Variants in NFIB observed in about 807,000 individuals in gnomAD.
NFIB encodes the protein nuclear factor 1 B-type.
NFIB carries 11 observed loss-of-function variants against 61.5 expected under a neutral mutation model. That is an observed-to-expected ratio of 0.18 (90% CI 0.11 to 0.30). The LOEUF (loss-of-function observed/expected upper bound fraction) is 0.30. NFIB is among the 10% of genes least tolerant of loss of function. The pLI, the probability that NFIB is intolerant of heterozygous loss-of-function variation, is 1.00. For missense variants in NFIB, 471 were observed against 608.9 expected, an observed-to-expected ratio of 0.77 and a Z score of 2.38; for synonymous variants, 260 against 216.5, an observed-to-expected ratio of 1.20 and a Z score of -1.76.
Position 14,116,341 on chromosome 9 carries a change from G to T in NFIB, c.1251C>A (p.Asn417Lys). ...DPSSPQTSQP[N>K]GSGQVVGKVP... Reference sequence around the variant, plus strand: ...CTTTCCCTACTACTTGACCACTGCCGTTAGGCTACAAAACAAAAACAGAAT... The same window carrying T: ...CTTTCCCTACTACTTGACCACTGCCTTTAGGCTACAAAACAAAAACAGAAT... The change falls in exon 9 of 11, where the codon AAC becomes AAA. Residue 417 changes from asparagine (N) to lysine (K), a missense_variant. Around this residue, in one of 2 missense-constraint regions of NFIB, gnomAD observed 372 missense variants for 395.6 expected, o/e 0.94. Coordinates refer to ENST00000380953, the MANE Select transcript of NFIB (RefSeq NM_001190737.2). 4 of 1,504,308 alleles carry T rather than the reference G, an allele frequency of 2.7e-6. No individual in the cohort carries two copies. The highest frequency in any genetic ancestry group is 3.6e-6 in the Non-Finnish European group (4 of 1,125,220). 93.2% of individuals were successfully genotyped at this position (1,504,308 alleles called of 1,614,324 possible).
chr9:14,215,070 T>C (rs989069968), intron 2 of NFIB, among the ~76,000 whole-genome samples: 1 of 152,246 alleles, frequency 6.6e-6, no homozygotes, highest in Non-Finnish European at 1.5e-5. Flanking sequence ...TTTCTGTAAG[T>C]ATATTACTTA....
At chr9:14,440,274 C>G in the NFIB span, among the ~76,000 whole-genome samples, 1 of 152,142 alleles carries the variant, frequency 6.6e-6, no homozygotes, top group African/African-American at 2.4e-5. Flanking sequence ...ACAGAGCACA[C>G]GCTGACTAGA....
chr9:14,353,843 G>A (rs1325431710), intron 1 of NFIB, among the ~76,000 whole-genome samples: 1 of 149,266 alleles, frequency 6.7e-6, no homozygotes, highest in Non-Finnish European at 1.5e-5. Context: ...GAGAGCGAGA[G>A]GGGTTTTGTC....
chr9:14,156,934 T>G (rs1431610612), intron 3 of NFIB, among the ~76,000 whole-genome samples: 2 of 152,196 alleles, frequency 1.3e-5, no homozygotes, highest in African/African-American at 4.8e-5. Flanking sequence ...AGGAATTAGA[T>G]GCAGTTCAGA....
chr9:14,376,631 G>A (rs947265451), intron 1 of NFIB, among the ~76,000 whole-genome samples: 5 of 150,446 alleles, frequency 3.3e-5, no homozygotes, highest in South Asian at 2.1e-4. Flanking sequence ...ATTCTCCTCC[G>A]TCAACCTCCC....
At chr9:14,377,231 G>A (rs2061430400) in intron 1 of NFIB, among the ~76,000 whole-genome samples, 1 of 152,112 alleles carries the variant, frequency 6.6e-6, no homozygotes, top group Admixed American at 6.6e-5. Context: ...ATTATTATGT[G>A]CCATTTAAAG....
At chr9:14,131,471 C>G (rs1221694340) in intron 6 of NFIB, among the ~76,000 whole-genome samples, 1 of 152,176 alleles carries the variant, frequency 6.6e-6, no homozygotes, top group African/African-American at 2.4e-5. Flanking sequence ...TAGATCAACT[C>G]ATCTCCCAAC....
intron 1 of NFIB, among the ~76,000 whole-genome samples, chr9:14,354,912 G>C (rs935717963): frequency 2.0e-5 from 3 of 151,900 alleles, no homozygotes; most frequent in African/African-American, 7.3e-5. Context: ...TGTGAACACT[G>C]TCACTATTCC....
In NFIB at chr9:14,129,404, C is replaced by CA. The variant is rs1037738328; in HGVS notation, c.926-3639dup. Among the ~76,000 whole-genome samples, 60 of 133,222 alleles carry CA rather than the reference C, an allele frequency of 4.5e-4. No individual in the cohort carries two copies. In the South Asian group the frequency reaches 0.013, roughly 30 times the overall value. The allele number at this position is 133,222 out of a possible 152,430, so 87.4% of individuals were successfully genotyped here. A position where few individuals can be genotyped will look rare whatever the true frequency, so the allele number is the denominator to read the frequency against. On this transcript the variant is annotated intron_variant, in intron 6 of 10. Transcript: ENST00000380953. The stretch of plus-strand genomic sequence containing the variant: ...TCCCCGCTCAAAAAAAAAAAAAAGA[C>CA]AAAAAAACAAAAAAAAAACACCCTC...
chr9:14,449,967 T>A, the NFIB span, among the ~76,000 whole-genome samples: 1 of 151,928 alleles, frequency 6.6e-6, no homozygotes, highest in South Asian at 2.1e-4. Flanking sequence ...AAATAAAATT[T>A]TTTTTAAAAA....
chr9:14,321,909 CAA>C, intron 1 of NFIB: 3 of 1,231,552 alleles, frequency 2.4e-6, no homozygotes, highest in Non-Finnish European at 3.0e-6. Context: ...ATAAAAGAAG[CAA>C]ACAAAACCCA....
intron 10 of NFIB, among the ~76,000 whole-genome samples, chr9:14,105,920 G>A (rs2036492391): frequency 6.6e-6 from 1 of 152,144 alleles, no homozygotes; most frequent in Non-Finnish European, 1.5e-5. Flanking sequence ...TTGGGGTGGT[G>A]ATTCCTTAGT....
chr9:14,238,091 T>C (rs1287741370), intron 2 of NFIB, among the ~76,000 whole-genome samples: 2 of 151,504 alleles, frequency 1.3e-5, no homozygotes, highest in South Asian at 4.2e-4. Context: ...GCTGGAGTGG[T>C]AGGAGATTTT....
At chr9:14,474,210 T>C in the NFIB span, among the ~76,000 whole-genome samples, 2 of 152,338 alleles carry the variant, frequency 1.3e-5, no homozygotes, top group South Asian at 4.1e-4. Context: ...GTATTTATCA[T>C]AGTTCTAGAG....
At chr9:14,426,469 TTGTATC>T in the NFIB span, among the ~76,000 whole-genome samples, 1 of 152,196 alleles carries the variant, frequency 6.6e-6, no homozygotes, top group Admixed American at 6.5e-5. Context: ...GCTTTCATTG[TTGTATC>T]TTCATGTTTT....
At chr9:14,141,312 C>A (rs2041673584) in intron 6 of NFIB, among the ~76,000 whole-genome samples, 1 of 152,048 alleles carries the variant, frequency 6.6e-6, no homozygotes, top group African/African-American at 2.4e-5. Context: ...ACCTAAGACA[C>A]CAGAACACAA....
chr9:14,169,399 T>G (rs1378664669), intron 3 of NFIB, among the ~76,000 whole-genome samples: 3 of 152,160 alleles, frequency 2.0e-5, no homozygotes, highest in Non-Finnish European at 4.4e-5. Flanking sequence ...GTATGAAAGA[T>G]GCCAAGGTCC....
At chr9:14,245,988 G>A (rs2054881081) in intron 2 of NFIB, among the ~76,000 whole-genome samples, 1 of 151,892 alleles carries the variant, frequency 6.6e-6, no homozygotes. Flanking sequence ...CATCACTCTA[G>A]AGGAGTGTTT....
At chr9:14,202,345 G>A (rs2049133030) in intron 2 of NFIB, among the ~76,000 whole-genome samples, 1 of 152,120 alleles carries the variant, frequency 6.6e-6, no homozygotes, top group Non-Finnish European at 1.5e-5. Context: ...AAAATAATGA[G>A]ACCACAGTTT....
Sources: gnomAD v4.1 joint callset for allele counts (sites outside exome capture counted in the v4.1 genomes callset) on GRCh38, gnomAD v4.1.1 for gene constraint, gnomAD v4.1.1 regional missense constraint, MANE v1.5 for transcripts, NCBI Gene and HGNC (gene_info 2026-07-23, HGNC 2026-07-21) for gene names.